PLCXD3: variants seen among roughly 807,000 people sequenced by gnomAD.
The protein encoded by PLCXD3 is phosphatidylinositol specific phospholipase C X domain containing 3.
A neutral mutation model predicts 25.5 loss-of-function variants in PLCXD3; 19 were observed. The observed-to-expected ratio is 0.75, with a 90% confidence interval of 0.52 to 1.09. The LOEUF (loss-of-function observed/expected upper bound fraction) is 1.09, where lower values mean the gene tolerates loss of function less well. Ranked by LOEUF, PLCXD3 falls within the 50% of genes least tolerant of loss-of-function variation. The pLI is 0.00. For missense variants in PLCXD3, 411 were observed against 388.1 expected, an observed-to-expected ratio of 1.06 and a Z score of -0.50; for synonymous variants, 174 against 137.6, an observed-to-expected ratio of 1.26 and a Z score of -1.85.
At chr5:41,369,921 A>G (rs1286323113) in intron 2 of PLCXD3, among the ~76,000 whole-genome samples, 3 of 152,192 alleles carry the variant, frequency 2.0e-5, no homozygotes, top group Non-Finnish European at 2.9e-5. Flanking sequence ...TCTGTTTTAT[A>G]TTGGCCACAT....
At chr5:41,399,229 T>C (rs1442194178) in intron 1 of PLCXD3, among the ~76,000 whole-genome samples, 1 of 152,200 alleles carries the variant, frequency 6.6e-6, no homozygotes, top group East Asian at 1.9e-4. Flanking sequence ...TCCATGCTCA[T>C]TGATTGGAAG....
intron 1 of PLCXD3, among the ~76,000 whole-genome samples, chr5:41,383,786 A>G (rs1028385791): frequency 3.9e-5 from 6 of 152,036 alleles, no homozygotes; most frequent in African/African-American, 1.4e-4. Flanking sequence ...AAATACACAC[A>G]AACACACACA....
intron 1 of PLCXD3, among the ~76,000 whole-genome samples, chr5:41,397,854 C>G (rs1338618250): frequency 3.9e-5 from 6 of 152,204 alleles, no homozygotes; most frequent in Admixed American, 2.6e-4. Flanking sequence ...GATATAATGT[C>G]TACCCTGCTG....
chr5:41,451,479 C>G (rs545788822), intron 1 of PLCXD3, among the ~76,000 whole-genome samples: 1 of 151,970 alleles, frequency 6.6e-6, no homozygotes, highest in Non-Finnish European at 1.5e-5. Flanking sequence ...AGGCAACACT[C>G]TAGCAGAAAA....
chr5:41,347,770 C>T (rs996413749), intron 2 of PLCXD3, among the ~76,000 whole-genome samples: 5 of 152,146 alleles, frequency 3.3e-5, no homozygotes, highest in South Asian at 2.1e-4. Context: ...CAACTGGAGG[C>T]GCTATTATTC....
At chr5:41,388,266 T>A (rs1431558094) in intron 1 of PLCXD3, among the ~76,000 whole-genome samples, 1 of 152,126 alleles carries the variant, frequency 6.6e-6, no homozygotes, top group Non-Finnish European at 1.5e-5. Flanking sequence ...GAGCATCAGC[T>A]GTGTTCAAGG....
chr5:41,422,688 G>A (rs926769951), intron 1 of PLCXD3, among the ~76,000 whole-genome samples: 2 of 152,048 alleles, frequency 1.3e-5, no homozygotes, highest in African/African-American at 4.8e-5. Flanking sequence ...CTTCAATAAA[G>A]TTTTACACAT....
chr5:41,471,524 G>A (rs75239258), intron 1 of PLCXD3, among the ~76,000 whole-genome samples: 2,569 of 152,226 alleles, frequency 0.017, 32 homozygotes, highest in Non-Finnish European at 0.026. Context: ...TTGATTTCTG[G>A]CAAGTCTTGC....
chr5:41,477,868 C>G (rs577532072), intron 1 of PLCXD3, among the ~76,000 whole-genome samples: 1 of 152,114 alleles, frequency 6.6e-6, no homozygotes, highest in South Asian at 2.1e-4. Flanking sequence ...GCCTCTCTTT[C>G]CTCCCTCAAA....
intron 2 of PLCXD3, among the ~76,000 whole-genome samples, chr5:41,315,198 C>T (rs1743253865): frequency 6.6e-6 from 1 of 151,940 alleles, no homozygotes; most frequent in African/African-American, 2.4e-5. Context: ...TTGGTCAGGG[C>T]AGGAAGGGAA....
intron 2 of PLCXD3, among the ~76,000 whole-genome samples, chr5:41,341,862 T>C (rs1744162051): frequency 6.6e-6 from 1 of 152,196 alleles, no homozygotes; most frequent in East Asian, 1.9e-4. Flanking sequence ...TCATACTGCT[T>C]AGGTGCCAAA....
At chr5:41,491,024 G>A (rs1429679994) in intron 1 of PLCXD3, among the ~76,000 whole-genome samples, 2 of 152,108 alleles carry the variant, frequency 1.3e-5, no homozygotes, top group Non-Finnish European at 2.9e-5. Context: ...TAATTGTGAT[G>A]TTAGGTTGTC....
At chr5:41,499,911 T>C (rs114253518) in intron 1 of PLCXD3, among the ~76,000 whole-genome samples, 2,326 of 151,902 alleles carry the variant, frequency 0.015, 55 homozygotes, top group African/African-American at 0.054. Context: ...GATAAAGATG[T>C]TGGGAAACTA....
chr5:41,478,985 T>A (rs1289769463), intron 1 of PLCXD3, among the ~76,000 whole-genome samples: 1 of 152,170 alleles, frequency 6.6e-6, no homozygotes, highest in Non-Finnish European at 1.5e-5. Context: ...TCTGCCCCCA[T>A]GATTCAATCA....
In PLCXD3 at chr5:41,399,294, G is replaced by T. The variant is rs886195213; in HGVS notation, c.104-16760C>A. Among the ~76,000 whole-genome samples the T allele has an allele frequency of 2.0e-5, 3 of 152,106 alleles. No homozygotes were observed. In the South Asian group the frequency reaches 6.2e-4, roughly 32 times the overall value. On this transcript the variant is annotated intron_variant, in intron 1 of 2. Transcript: ENST00000377801. ...CAAAAGCAATCTACAGATTAAATGT[G>T]ATCCCTATCAAAATACTAATGACAT... is the stretch of plus-strand genomic sequence containing the variant.
chr5:41,477,279 T>C (rs533343238), intron 1 of PLCXD3, among the ~76,000 whole-genome samples: 8 of 152,210 alleles, frequency 5.3e-5, no homozygotes, highest in Non-Finnish European at 1.2e-4. Context: ...CAGTATTTAC[T>C]TTTATCTTCT....
At chr5:41,464,043 ACTGT>A (rs1747954136) in intron 1 of PLCXD3, among the ~76,000 whole-genome samples, 1 of 152,054 alleles carries the variant, frequency 6.6e-6, no homozygotes, top group South Asian at 2.1e-4. Flanking sequence ...CCATAATTGT[ACTGT>A]CTAATTTATC....
chr5:41,434,159 T>C (rs1315138932), intron 1 of PLCXD3, among the ~76,000 whole-genome samples: 1 of 152,198 alleles, frequency 6.6e-6, no homozygotes, highest in East Asian at 1.9e-4. Context: ...CTTTTCTATA[T>C]ATCTTTGTTT....
intron 1 of PLCXD3, among the ~76,000 whole-genome samples, chr5:41,456,816 C>A (rs1190227235): frequency 6.6e-6 from 1 of 151,876 alleles, no homozygotes; most frequent in Admixed American, 6.6e-5. Flanking sequence ...TCACCAAACA[C>A]CAAATCTGCC....
Sources: gnomAD v4.1 joint callset for allele counts (sites outside exome capture counted in the v4.1 genomes callset) on GRCh38, gnomAD v4.1.1 for gene constraint, MANE v1.5 for transcripts, NCBI Gene and HGNC (gene_info 2026-07-23, HGNC 2026-07-21) for gene names.